The following PCBP3 variants were observed in gnomAD, a reference collection of about 807,000 sequenced individuals.
PCBP3 encodes poly(rC)-binding protein 3.
In PCBP3, 25 loss-of-function variants were observed where a neutral mutation model predicts 52.7. The ratio of observed to expected loss-of-function variants is 0.47; its 90% CI spans 0.35 to 0.66. The LOEUF (loss-of-function observed/expected upper bound fraction) is 0.66. PCBP3 is among the 30% of genes least tolerant of loss of function. PCBP3 has a pLI of 0.01. For synonymous variants in PCBP3, 162 were observed against 183.0 expected (o/e 0.89, Z 0.93); for missense variants, 391 against 490.3 (o/e 0.80, Z 1.91).
At chr21:45,745,993 G>A (rs1453578492) in intron 3 of PCBP3, among the ~76,000 whole-genome samples, 4 of 150,092 alleles carry the variant, frequency 2.7e-5, no homozygotes, top group African/African-American at 7.4e-5. Flanking sequence ...TAGCGCACAC[G>A]GTGTTGTGTC....
chr21:45,836,359 CT>C, intron 4 of PCBP3: 1 of 152,468 alleles, frequency 6.6e-6, no homozygotes, highest in Non-Finnish European at 1.5e-5. Flanking sequence ...CTGTGTGTGC[CT>C]TTCCTGGCAT....
intron 5 of PCBP3, among the ~76,000 whole-genome samples, chr21:45,865,768 G>A (rs906330094): frequency 7.9e-5 from 12 of 152,222 alleles, no homozygotes; most frequent in African/African-American, 2.4e-4. Flanking sequence ...GGCTCTGCTC[G>A]GAAAGCGGGG....
At chr21:45,834,297 C>T (rs75496835) in intron 4 of PCBP3, among the ~76,000 whole-genome samples, 2,876 of 152,330 alleles carry the variant, frequency 0.019, 106 homozygotes, top group African/African-American at 0.065. Flanking sequence ...GCCGTCAGAG[C>T]GCCCTCCGAC....
At chr21:45,664,586 A>G (rs2080650537) in intron 1 of PCBP3, among the ~76,000 whole-genome samples, 2 of 150,754 alleles carry the variant, frequency 1.3e-5, no homozygotes, top group Non-Finnish European at 2.9e-5. Flanking sequence ...TCAGAGACAA[A>G]GAGCTTTTAT....
chr21:45,838,259 C>T (rs1162449828), intron 4 of PCBP3, among the ~76,000 whole-genome samples: 1 of 152,176 alleles, frequency 6.6e-6, no homozygotes, highest in Non-Finnish European at 1.5e-5. Flanking sequence ...AGTTTTTGGG[C>T]TCCCCTCGCT....
intron 1 of PCBP3, among the ~76,000 whole-genome samples, chr21:45,668,097 A>G (rs1190787226): frequency 2.6e-5 from 4 of 152,254 alleles, no homozygotes; most frequent in Middle Eastern, 3.4e-3. Flanking sequence ...CAGAGTCTCA[A>G]TGTCAGCTCA....
chr21:45,923,624 AGGAAGAACATGCATCCAGTT>A (rs2074802011), intron 13 of PCBP3, among the ~76,000 whole-genome samples: 1 of 152,236 alleles, frequency 6.6e-6, no homozygotes, highest in African/African-American at 2.4e-5. Flanking sequence ...AGGCCTGAGA[AGGAAGAACATGCATCCAGTT>A]GGAAGCCCAG....
intron 4 of PCBP3, among the ~76,000 whole-genome samples, chr21:45,756,189 A>G (rs1032956356): frequency 6.6e-6 from 1 of 152,170 alleles, no homozygotes; most frequent in Admixed American, 6.5e-5. Context: ...TTGTTTGTTC[A>G]GAGATCTGTT....
At position 45,704,503 on chromosome 21, in the gene PCBP3, G is replaced by A. The variant is rs1252394896; in HGVS notation, c.-199-30889G>A. Among the ~76,000 whole-genome samples the A allele has an allele frequency of 1.3e-5, 2 of 152,202 alleles. No individual in the cohort carries two copies. The highest frequency in any genetic ancestry group is 4.8e-5 in the African/African-American group (2 of 41,448). On this transcript the variant is annotated intron_variant, in intron 2 of 17. Coordinates refer to ENST00000681687, the MANE Select transcript of PCBP3 (RefSeq NM_001384156.1). The surrounding 1 kb of genome is among the most constrained non-coding windows in gnomAD (Gnocchi z 4.1). ...CATTTTCCTGCTCTCCCCTGGCAGA[G>A]GCGCCCCAGGGGGCTCCAGGGGAGT... is the stretch of plus-strand genomic sequence containing the variant.
chr21:45,807,076 A>C (rs2092529222), intron 4 of PCBP3, among the ~76,000 whole-genome samples: 1 of 152,208 alleles, frequency 6.6e-6, no homozygotes, highest in South Asian at 2.1e-4. Context: ...ACCCACAGCC[A>C]ATATCACACG....
intron 1 of PCBP3, among the ~76,000 whole-genome samples, chr21:45,647,553 A>G (rs573693042): frequency 6.6e-6 from 1 of 152,344 alleles, no homozygotes; most frequent in African/African-American, 2.4e-5. Flanking sequence ...ACCCTAGGGC[A>G]TGAGTTATAA....
intron 4 of PCBP3, among the ~76,000 whole-genome samples, chr21:45,768,444 G>A (rs562884338): frequency 1.3e-5 from 2 of 152,234 alleles, no homozygotes; most frequent in South Asian, 4.1e-4. Flanking sequence ...GCATCAGACT[G>A]TGGGGCACCG....
intron 4 of PCBP3, among the ~76,000 whole-genome samples, chr21:45,776,268 A>G (rs2090246078): frequency 1.3e-5 from 2 of 152,284 alleles, no homozygotes; most frequent in Middle Eastern, 3.4e-3. Context: ...ATGAAAATGA[A>G]TATTCTGAAG....
intron 1 of PCBP3, among the ~76,000 whole-genome samples, chr21:45,646,084 T>TC: frequency 1.3e-5 from 1 of 77,572 alleles, no homozygotes; most frequent in Non-Finnish European, 2.5e-5. Context: ...TCTCTCTCTT[T>TC]CTCTCTCTCT....
chr21:45,892,478 G>T (rs2095697728), intron 5 of PCBP3, among the ~76,000 whole-genome samples: 2 of 150,132 alleles, frequency 1.3e-5, no homozygotes, highest in African/African-American at 2.5e-5. Context: ...CGTGGGGGGG[G>T]GGGCGGTCCC....
chr21:45,704,511 A>G lies in PCBP3; in HGVS notation c.-199-30881A>G, dbSNP rs563877287. On this transcript the variant is annotated intron_variant, in intron 2 of 17. Coordinates refer to ENST00000681687, the MANE Select transcript of PCBP3 (RefSeq NM_001384156.1). The surrounding 1 kb of genome is among the most constrained non-coding windows in gnomAD (Gnocchi z 4.1). ...TGCTCTCCCCTGGCAGAGGCGCCCC[A>G]GGGGGCTCCAGGGGAGTGCTGTCTG... Among the ~76,000 whole-genome samples the G allele has an allele frequency of 2.0e-5, 3 of 152,260 alleles. No homozygotes were observed. The highest frequency in any genetic ancestry group is 4.1e-4 in the South Asian group (2 of 4,820).
chr21:45,935,418 C>T, intron 16 of PCBP3, 113 bp downstream of exon 16: 2 of 747,252 alleles, frequency 2.7e-6, no homozygotes, highest in Non-Finnish European at 4.8e-6. Flanking sequence ...ATGCCTTCAC[C>T]ACCCCAACCC....
chr21:45,872,445 C>A (rs1427970790), intron 5 of PCBP3: 2 of 152,240 alleles, frequency 1.3e-5, no homozygotes, highest in African/African-American at 2.4e-5. Context: ...AAAGTGGGAA[C>A]AAGAACACAG....
intron 2 of PCBP3, among the ~76,000 whole-genome samples, chr21:45,671,803 A>T (rs570275403): frequency 9.9e-5 from 15 of 152,184 alleles, no homozygotes; most frequent in Non-Finnish European, 1.8e-4. Flanking sequence ...GTCATCACTT[A>T]TGTCAGTGGG....
Sources: allele counts gnomAD v4.1 joint callset (sites outside exome capture counted in the v4.1 genomes callset), GRCh38; gene constraint gnomAD v4.1.1; non-coding constraint Gnocchi (gnomAD v3.1); transcripts MANE v1.5; gene names NCBI Gene and HGNC (gene_info 2026-07-23, HGNC 2026-07-21).